PDE1A: variants seen among roughly 807,000 people sequenced by gnomAD.
The protein encoded by PDE1A is phosphodiesterase 1A.
A neutral mutation model predicts 61.7 loss-of-function variants in PDE1A; 35 were observed. That is an observed-to-expected ratio of 0.57 (90% CI 0.43 to 0.75). The LOEUF (loss-of-function observed/expected upper bound fraction) is 0.75. Among genes scored for constraint, PDE1A ranks in the 30% least tolerant of loss-of-function variants. The pLI is 0.00. For missense variants in PDE1A, 597 were observed against 630.6 expected (o/e 0.95, Z 0.57); for synonymous variants, 232 against 213.2 (o/e 1.09, Z -0.77).
intron 8 of PDE1A, among the ~76,000 whole-genome samples, chr2:182,205,616 A>G (rs1221627965): frequency 6.6e-6 from 1 of 152,228 alleles, no homozygotes; most frequent in Admixed American, 6.5e-5. Flanking sequence ...AATTTATGTA[A>G]CACCCCATAT....
chr2:182,541,033 T>A, the PDE1A span, among the ~76,000 whole-genome samples: 1 of 152,078 alleles, frequency 6.6e-6, no homozygotes, highest in Non-Finnish European at 1.5e-5. Context: ...GAGGGAAAGA[T>A]CCGAGAAAGG....
intron 13 of PDE1A, among the ~76,000 whole-genome samples, chr2:182,180,089 A>T (rs914942066): frequency 6.6e-6 from 1 of 152,174 alleles, no homozygotes; most frequent in African/African-American, 2.4e-5. Context: ...AGCGTATAAG[A>T]CTAGAAGTGG....
the PDE1A span, among the ~76,000 whole-genome samples, chr2:182,541,099 T>C: frequency 1.3e-5 from 2 of 152,198 alleles, no homozygotes; most frequent in Non-Finnish European, 1.5e-5. Context: ...TATATTTATA[T>C]GTAAGAGGAT....
chr2:182,244,582 A>T (rs1471511409), intron 2 of PDE1A, among the ~76,000 whole-genome samples: 1 of 151,418 alleles, frequency 6.6e-6, no homozygotes, highest in Non-Finnish European at 1.5e-5. Context: ...TAATTGTATT[A>T]TTTTTTCTAC....
chr2:182,334,109 A>C (rs947789954), intron 1 of PDE1A, among the ~76,000 whole-genome samples: 2 of 152,022 alleles, frequency 1.3e-5, no homozygotes, highest in African/African-American at 2.4e-5. Context: ...ACCAAAAAAA[A>C]CCCAGGACCA....
At chr2:182,182,669 T>A (rs914527061) in intron 13 of PDE1A, among the ~76,000 whole-genome samples, 1 of 152,072 alleles carries the variant, frequency 6.6e-6, no homozygotes, top group Non-Finnish European at 1.5e-5. Flanking sequence ...ACTCATCACA[T>A]TGCCTACATT....
At chr2:182,233,236 G>T (rs1402200523) in intron 4 of PDE1A, among the ~76,000 whole-genome samples, 4 of 152,114 alleles carry the variant, frequency 2.6e-5, no homozygotes, top group Admixed American at 6.6e-5. Flanking sequence ...TAATGCAATG[G>T]TCCTCAATAT....
At chr2:182,327,540 CAAT>C (rs999078785) in intron 1 of PDE1A, among the ~76,000 whole-genome samples, 2 of 152,138 alleles carry the variant, frequency 1.3e-5, no homozygotes, top group African/African-American at 2.4e-5. Context: ...ATGGAGTGGC[CAAT>C]GAGTGAGGTG....
Position 182,491,219 on chromosome 2 carries a change from T to C in PDE1A, c.101+31057A>G, listed in dbSNP as rs147240167. 4.6e-3 allele frequency among the ~76,000 whole-genome samples: 695 copies of C among 152,274 alleles called. 5 individuals are homozygous for C. The highest frequency in any genetic ancestry group is 0.027 in the Middle Eastern group (8 of 292). On this transcript the variant is annotated intron_variant, in intron 2 of 14. Transcript: ENST00000410103. ...TAACAGCAGTCAGTATAATAGTGTGTTTTTCTCCAACCGCAATCAGCTACA... is the reference window on the plus strand; with the variant it reads ...TAACAGCAGTCAGTATAATAGTGTGCTTTTCTCCAACCGCAATCAGCTACA...
chr2:182,323,479 A>G (rs138810331), intron 1 of PDE1A, among the ~76,000 whole-genome samples: 35 of 152,334 alleles, frequency 2.3e-4, no homozygotes, highest in South Asian at 1.7e-3. Flanking sequence ...AGTTGAACAT[A>G]GGCTGGAGAC....
downstream of PDE1A, among the ~76,000 whole-genome samples, chr2:182,163,307 G>A (rs570393523): frequency 6.6e-6 from 1 of 152,260 alleles, no homozygotes; most frequent in South Asian, 2.1e-4. Flanking sequence ...GAAGCAATTT[G>A]ATTCACTGGC....
chr2:182,207,897 G>T (rs1170222455), intron 7 of PDE1A, among the ~76,000 whole-genome samples: 2 of 152,240 alleles, frequency 1.3e-5, no homozygotes, highest in African/African-American at 4.8e-5. Flanking sequence ...TACAGCTCAG[G>T]CCATTGCTTC....
intron 1 of PDE1A, among the ~76,000 whole-genome samples, chr2:182,403,816 C>T: frequency 6.6e-6 from 1 of 151,954 alleles, no homozygotes; most frequent in African/African-American, 2.4e-5. Context: ...GGGAACATCA[C>T]ACACTGGGTC....
intron 2 of PDE1A, among the ~76,000 whole-genome samples, chr2:182,256,805 T>C (rs893309709): frequency 6.6e-6 from 1 of 152,200 alleles, no homozygotes; most frequent in Non-Finnish European, 1.5e-5. Context: ...CTAAAAACAA[T>C]GTGAACAAAA....
chr2:182,169,703 T>G (rs1457904049), intron 13 of PDE1A, among the ~76,000 whole-genome samples: 1 of 152,028 alleles, frequency 6.6e-6, no homozygotes, highest in Non-Finnish European at 1.5e-5. Context: ...CTTTCAAATT[T>G]AGTAAAGAGT....
At chr2:182,303,714 A>T (rs532861166) in intron 1 of PDE1A, among the ~76,000 whole-genome samples, 1 of 152,202 alleles carries the variant, frequency 6.6e-6, no homozygotes, top group East Asian at 1.9e-4. Flanking sequence ...TTTAGCAATG[A>T]AAGTACTAGA....
chr2:182,613,635 C>T, the PDE1A span, among the ~76,000 whole-genome samples: 1,533 of 151,556 alleles, frequency 0.01, 12 homozygotes, highest in South Asian at 0.024. Flanking sequence ...TTGAATGGTA[C>T]GGTGGTAAAG....
At chr2:182,606,725 G>C in the PDE1A span, among the ~76,000 whole-genome samples, 1 of 152,178 alleles carries the variant, frequency 6.6e-6, no homozygotes, top group East Asian at 1.9e-4. Context: ...ACTTTTCAGA[G>C]TGAAGGTGTC....
chr2:182,342,204 C>T lies in PDE1A; in HGVS notation c.54-77790G>A, dbSNP rs368283471. ...GCTGAGAACATTTCACTTCTTTGTA[C>T]TATACCTGGACCAGACTTGGTAGAC... On this transcript the variant is annotated intron_variant, in intron 1 of 13. Transcript: ENST00000351439. 1.4e-4 allele frequency among the ~76,000 whole-genome samples: 21 copies of T among 152,280 alleles called. No individual in the cohort carries two copies. In the South Asian group the frequency reaches 4.4e-3, roughly 32 times the overall value.
Sources: allele counts gnomAD v4.1 joint callset (sites outside exome capture counted in the v4.1 genomes callset), GRCh38; gene constraint gnomAD v4.1.1; transcripts MANE v1.5; gene names NCBI Gene and HGNC (gene_info 2026-07-23, HGNC 2026-07-21).